LINGO2: variants seen among roughly 807,000 people sequenced by gnomAD.
LINGO2 encodes the protein leucine rich repeat and Ig domain containing 2.
LINGO2 carries 14 observed loss-of-function variants against 30.6 expected under a neutral mutation model. That is an observed-to-expected ratio of 0.46 (90% CI 0.30 to 0.72). The LOEUF (loss-of-function observed/expected upper bound fraction) is 0.72, where lower values mean the gene tolerates loss of function less well. Ranked by LOEUF, LINGO2 falls within the 30% of genes least tolerant of loss-of-function variation. LINGO2 has a pLI of 0.07. For synonymous variants in LINGO2, 317 were observed against 288.5 expected (o/e 1.10, Z -1.00); for missense variants, 729 against 751.7 (o/e 0.97, Z 0.35).
intron 4 of LINGO2, among the ~76,000 whole-genome samples, chr9:28,026,647 A>T (rs959436545): frequency 5.3e-5 from 8 of 152,118 alleles, no homozygotes; most frequent in Non-Finnish European, 1.0e-4. Context: ...AAGTTCTTAT[A>T]TTTTCAAGTC....
rs372281742 is a variant in LINGO2, at chr9:28,541,613, A to G, written c.-364-65588T>C. Among the ~76,000 whole-genome samples, 229 of 152,288 alleles carry G rather than the reference A, an allele frequency of 1.5e-3. 3 individuals carry two copies. The South Asian group carries it at 0.044, about 29-fold the overall frequency. On this transcript the variant is annotated intron_variant, in intron 1 of 5. Transcript: ENST00000379992. Reference sequence around the variant, plus strand: ...GTCCACTAATTGTAAACAAACAAACAAAAACAAGTAATAGAGTTGGTGAAG... The same window carrying G: ...GTCCACTAATTGTAAACAAACAAACGAAAACAAGTAATAGAGTTGGTGAAG...
At chr9:29,152,478 T>C in the LINGO2 span, among the ~76,000 whole-genome samples, 8 of 152,070 alleles carry the variant, frequency 5.3e-5, no homozygotes, top group African/African-American at 1.9e-4. Context: ...ATGAAAGCCA[T>C]GAAAAGAACT....
At chr9:29,025,029 C>T in the LINGO2 span, among the ~76,000 whole-genome samples, 1 of 151,994 alleles carries the variant, frequency 6.6e-6, no homozygotes, top group African/African-American at 2.4e-5. Context: ...TAAAAGAACA[C>T]AAACTACAAT....
intron 4 of LINGO2, among the ~76,000 whole-genome samples, chr9:28,264,224 G>A (rs1458687806): frequency 6.6e-6 from 1 of 151,622 alleles, no homozygotes; most frequent in African/African-American, 2.4e-5. Context: ...CATATTTTTC[G>A]CTACGCCCTC....
intron 4 of LINGO2, among the ~76,000 whole-genome samples, chr9:28,244,392 A>G (rs1243397920): frequency 6.6e-6 from 1 of 152,198 alleles, no homozygotes; most frequent in African/African-American, 2.4e-5. Flanking sequence ...TCAAATCGAC[A>G]GAACTACAGA....
At chr9:28,812,854 G>A in the LINGO2 span, among the ~76,000 whole-genome samples, 3 of 152,076 alleles carry the variant, frequency 2.0e-5, no homozygotes, top group African/African-American at 7.2e-5. Flanking sequence ...GAGACAGTCT[G>A]GCCTAGGAAG....
chr9:28,713,506 A>T, the LINGO2 span, among the ~76,000 whole-genome samples: 1 of 152,106 alleles, frequency 6.6e-6, no homozygotes, highest in Non-Finnish European at 1.5e-5. Context: ...GAAAACTTGG[A>T]TCATAAAATG....
the LINGO2 span, among the ~76,000 whole-genome samples, chr9:28,813,024 G>A: frequency 6.7e-6 from 1 of 149,678 alleles, no homozygotes; most frequent in African/African-American, 2.5e-5. Flanking sequence ...AGAGTCATAA[G>A]TAACTATACT....
chr9:28,551,389 C>T (rs535383766), intron 1 of LINGO2, among the ~76,000 whole-genome samples: 67 of 151,600 alleles, frequency 4.4e-4, no homozygotes, highest in African/African-American at 1.4e-3. Flanking sequence ...CATATATATA[C>T]GTCTATATCT....
At chr9:28,993,504 T>C in the LINGO2 span, among the ~76,000 whole-genome samples, 3 of 152,078 alleles carry the variant, frequency 2.0e-5, no homozygotes, top group African/African-American at 7.2e-5. Context: ...GAATCCTCCC[T>C]AACTCATTTT....
At chr9:28,185,105 C>G (rs1819496817) in intron 4 of LINGO2, among the ~76,000 whole-genome samples, 1 of 152,110 alleles carries the variant, frequency 6.6e-6, no homozygotes, top group Non-Finnish European at 1.5e-5. Flanking sequence ...ACCAGCTTCC[C>G]CAAAATAGTG....
intron 1 of LINGO2, among the ~76,000 whole-genome samples, chr9:28,495,449 C>T (rs1457420295): frequency 1.3e-5 from 2 of 152,116 alleles, no homozygotes; most frequent in African/African-American, 2.4e-5. Flanking sequence ...AGCCAGTTTC[C>T]CCAGCACCAT....
At chr9:27,968,173 T>G (rs1820189257) in intron 5 of LINGO2, among the ~76,000 whole-genome samples, 1 of 152,104 alleles carries the variant, frequency 6.6e-6, no homozygotes, top group Admixed American at 6.6e-5. Flanking sequence ...TAAAACAGCT[T>G]ATAGTCTAGT....
chr9:28,382,363 A>G (rs897495695), intron 2 of LINGO2, among the ~76,000 whole-genome samples: 25 of 152,152 alleles, frequency 1.6e-4, no homozygotes, highest in Admixed American at 1.0e-3. Flanking sequence ...AACTCATTAG[A>G]TACGTCTTTC....
chr9:28,797,589 A>T, the LINGO2 span, among the ~76,000 whole-genome samples: 1 of 152,008 alleles, frequency 6.6e-6, no homozygotes, highest in African/African-American at 2.4e-5. Flanking sequence ...TAGAATTGCC[A>T]TTAATTAACA....
chr9:28,024,950 C>G (rs1276235775), intron 4 of LINGO2, among the ~76,000 whole-genome samples: 1 of 152,172 alleles, frequency 6.6e-6, no homozygotes, highest in African/African-American at 2.4e-5. Flanking sequence ...GCACCAGTAG[C>G]AGGCAGCCCT....
the LINGO2 span, among the ~76,000 whole-genome samples, chr9:28,928,495 ATTGGAAATTTT>A: frequency 1.3e-5 from 2 of 152,172 alleles, no homozygotes; most frequent in African/African-American, 4.8e-5. Context: ...AAATAAATAT[ATTGGAAATTTT>A]TTGGAAATTA....
the LINGO2 span, among the ~76,000 whole-genome samples, chr9:28,782,271 A>G: frequency 4.8e-3 from 724 of 152,246 alleles, 5 homozygotes; most frequent in African/African-American, 0.017. Context: ...TTCATTAGAA[A>G]CTCAAAATGA....
the LINGO2 span, among the ~76,000 whole-genome samples, chr9:28,786,601 T>C: frequency 6.6e-6 from 1 of 152,142 alleles, no homozygotes; most frequent in Admixed American, 6.5e-5. Flanking sequence ...GAGGTAGAGA[T>C]AGTGCAGACA....
Sources: allele counts gnomAD v4.1 joint callset (sites outside exome capture counted in the v4.1 genomes callset), GRCh38; gene constraint gnomAD v4.1.1; transcripts MANE v1.5; gene names NCBI Gene and HGNC (gene_info 2026-07-23, HGNC 2026-07-21).